Variants in EGFL6 observed in about 807,000 individuals in gnomAD.
EGFL6 encodes the protein epidermal growth factor-like protein 6.
Under a neutral mutation model 43.1 loss-of-function variants are expected in EGFL6, and 42 were observed. The ratio of observed to expected loss-of-function variants is 0.98; its 90% confidence interval spans 0.76 to 1.26. The LOEUF (loss-of-function observed/expected upper bound fraction) is 1.26. Among genes scored for constraint, EGFL6 ranks in the 50% most tolerant of loss-of-function variants. EGFL6 has a pLI of 0.00. For synonymous variants in EGFL6, 164 were observed against 163.2 expected, an observed-to-expected ratio of 1.01 and a Z score of -0.04; for missense variants, 429 against 427.8, an observed-to-expected ratio of 1.00 and a Z score of -0.02.
At chrX:13,631,747 A>G (rs1366137862) in intron 11 of EGFL6, among the ~76,000 whole-genome samples, 1 of 112,191 alleles carries the variant, frequency 8.9e-6, no homozygotes, top group Non-Finnish European at 1.9e-5. Flanking sequence ...AGATTGTGCC[A>G]CTGCATTCCA....
Position 13,603,001 on chromosome X carries a change from AC to A in EGFL6, c.401-315del, listed in dbSNP as rs769064994. Among the ~76,000 whole-genome samples the A allele has an allele frequency of 2.7e-5, 3 of 111,991 alleles. No homozygotes were observed. In the East Asian group the frequency reaches 8.4e-4, roughly 31 times the overall value. ...TCAACCTACTGAGGCCAGCCAGGTG[AC>A]ATAAAAGAGTGGCTAGAGCACACAC... On this transcript the variant is annotated intron_variant, in intron 4 of 11. Transcript: ENST00000361306.
At chrX:13,618,664 C>A (rs1016111237) in intron 8 of EGFL6, among the ~76,000 whole-genome samples, 2 of 111,343 alleles carry the variant, frequency 1.8e-5, no homozygotes, top group Non-Finnish European at 3.8e-5. Context: ...TCCATATTAA[C>A]CCACCCTGCA....
intron 1 of EGFL6, among the ~76,000 whole-genome samples, chrX:13,589,322 T>C (rs1218851087): frequency 8.9e-6 from 1 of 112,097 alleles, no homozygotes; most frequent in African/African-American, 3.2e-5. Flanking sequence ...CATCTTCATG[T>C]GCCCTAGTTT....
intron 9 of EGFL6, 69 bp from the exon 10 acceptor site, chrX:13,623,755 A>G: frequency 2.2e-6 from 2 of 907,096 alleles, no homozygotes; most frequent in Non-Finnish European, 3.2e-6. Flanking sequence ...TTGCCTTCCA[A>G]AGCCCCAAAT....
At chrX:13,596,296 G>C (rs2045596943) in intron 3 of EGFL6, 2 of 111,565 alleles carry the variant, frequency 1.8e-5, no homozygotes, top group Admixed American at 1.9e-4. Flanking sequence ...GGTTGATTTG[G>C]CTGATCTGGC....
chrX:13,572,276 A>C (rs760929629), intron 1 of EGFL6, among the ~76,000 whole-genome samples: 2 of 112,094 alleles, frequency 1.8e-5, no homozygotes, highest in African/African-American at 6.5e-5. Flanking sequence ...ATGTGCTGCA[A>C]AAAGTATCAA....
chrX:13,618,622 C>A (rs1431095087), intron 8 of EGFL6, among the ~76,000 whole-genome samples: 1 of 111,783 alleles, frequency 8.9e-6, no homozygotes, highest in Non-Finnish European at 1.9e-5. Flanking sequence ...TGTGCAGAAC[C>A]CACCATAAGG....
At chrX:13,584,332 T>C (rs1383944011) in intron 1 of EGFL6, among the ~76,000 whole-genome samples, 1 of 111,882 alleles carries the variant, frequency 8.9e-6, no homozygotes, top group East Asian at 2.8e-4. Flanking sequence ...GGTGTTCCTC[T>C]GAGCATTGCC....
chrX:13,574,055 G>C (rs2045457352), intron 1 of EGFL6, among the ~76,000 whole-genome samples: 1 of 112,080 alleles, frequency 8.9e-6, no homozygotes, highest in African/African-American at 3.3e-5. Context: ...GTGGGGAAGT[G>C]GGACAGAAAA....
chrX:13,600,280 C>CTTCTTTTTTTTTTTTTTTTTTTTTTT, intron 4 of EGFL6, among the ~76,000 whole-genome samples, 186 bp downstream of exon 4: 1 of 44,274 alleles, frequency 2.3e-5, no homozygotes, highest in African/African-American at 9.6e-5. Context: ...TTTCTTTCTT[C>CTTCTTTTTTTTTTTTTTTTTTTTTTT]TTTTTTTTTT....
intron 11 of EGFL6, among the ~76,000 whole-genome samples, chrX:13,630,180 G>T (rs912930461): frequency 1.8e-4 from 20 of 111,601 alleles, no homozygotes; most frequent in Admixed American, 1.2e-3. Context: ...AGTTAAGCTT[G>T]TGGGTAACAA....
intron 1 of EGFL6, among the ~76,000 whole-genome samples, chrX:13,588,818 T>C (rs950500150): frequency 1.8e-5 from 2 of 112,758 alleles, no homozygotes; most frequent in African/African-American, 6.4e-5. Context: ...AACACAGTCA[T>C]GCGCATCTGT....
intron 3 of EGFL6, among the ~76,000 whole-genome samples, chrX:13,598,957 TA>T (rs1330794003): frequency 3.9e-5 from 4 of 103,848 alleles, no homozygotes; most frequent in African/African-American, 1.4e-4. Flanking sequence ...TATATATATA[TA>T]TTTTTTTAAA....
rs1382377142 is a variant in EGFL6, at chrX:13,617,985, A to G, written c.1034A>G (p.Asp345Gly). The part of the protein sequence containing the change: ...NEEKMKEGLE[D>G]EKREEKALKN... ...GAGAAAATGAAAGAGGGGCTTGAGG[A>G]TGAGAAAAGAGAAGAGAAAGCCCTG... The change falls in exon 8 of 12, where the codon GAT becomes GGT. Residue 345 changes from aspartate to glycine, a missense_variant. Transcript: ENST00000361306. 2 of 1,210,040 alleles carry G rather than the reference A, an allele frequency of 1.7e-6. No homozygotes were observed. Among genetic ancestry groups the G allele is most frequent in the Admixed American group, 2.2e-5 (1 of 45,769 alleles).
chrX:13,580,364 C>A lies in EGFL6; in HGVS notation c.75-9192C>A, dbSNP rs5935622. On this transcript the variant is annotated intron_variant, in intron 1 of 11. Coordinates refer to ENST00000361306, the MANE Select transcript of EGFL6 (RefSeq NM_015507.4). The stretch of plus-strand genomic sequence containing the variant: ...AGCCTCTTTCTGCTGCATTCTTGAC[C>A]GATTCATTGAGATGTCTCACTGAGC... 2.7e-5 allele frequency among the ~76,000 whole-genome samples: 3 copies of A among 111,132 alleles called. No homozygotes were observed. The Admixed American group carries it at 2.9e-4, about 11-fold the overall frequency.
At position 13,599,999 on chromosome X, in the gene EGFL6, C is replaced by T. The variant is rs759757011; in HGVS notation, c.305C>T (p.Pro102Leu). ...SQDVNECGMKPRPCQHRCVNT... is the reference protein window; with the variant it reads ...SQDVNECGMKLRPCQHRCVNT... ...GATGTGAATGAGTGTGGAATGAAAC[C>T]CCGGCCATGCCAACACAGATGTGTG... Residue 102 changes from proline (P) to leucine (L), a missense_variant, in exon 4 of 12, where the codon CCC (proline) becomes CTC (leucine). Pro to Leu is a moderately conservative substitution (Grantham distance 98). Transcript: ENST00000361306. The T allele has an allele frequency of 1.7e-6, 2 of 1,210,006 alleles. No homozygotes were observed. Among genetic ancestry groups the T allele is most frequent in the East Asian group, 5.9e-5 (2 of 33,805 alleles).
At chrX:13,609,303 T>C (rs1028983689) in intron 7 of EGFL6, among the ~76,000 whole-genome samples, 9 of 112,213 alleles carry the variant, frequency 8.0e-5, no homozygotes, top group African/African-American at 2.9e-4. Flanking sequence ...TGGAAGTATC[T>C]AACTTCAAGG....
chrX:13,616,859 ATT>A (rs773399610), intron 7 of EGFL6, among the ~76,000 whole-genome samples: 1 of 88,979 alleles, frequency 1.1e-5, no homozygotes, highest in Non-Finnish European at 2.2e-5. Flanking sequence ...CTAGAGGTAC[ATT>A]TTTTTTTTTT....
intron 9 of EGFL6, 54 bp from the exon 10 acceptor site, chrX:13,623,770 G>T: frequency 9.8e-7 from 1 of 1,023,719 alleles, no homozygotes; most frequent in Non-Finnish European, 1.4e-6. Context: ...CCAAATGTTA[G>T]ACACCTTCCT....
Sources: gnomAD v4.1 joint callset for allele counts (sites outside exome capture counted in the v4.1 genomes callset) on GRCh38, gnomAD v4.1.1 for gene constraint, MANE v1.5 for transcripts, NCBI Gene and HGNC (gene_info 2026-07-23, HGNC 2026-07-21) for gene names.